PRKAA1: variants seen among roughly 807,000 people sequenced by gnomAD.
The protein encoded by PRKAA1 is 5'-AMP-activated protein kinase catalytic subunit alpha-1.
PRKAA1 carries 23 observed loss-of-function variants against 56.9 expected under a neutral mutation model. That is an observed-to-expected ratio of 0.40 (90% CI 0.29 to 0.57). PRKAA1 has a LOEUF of 0.57. Among genes scored for constraint, PRKAA1 ranks in the 20% least tolerant of loss-of-function variants. The pLI is 0.39. For missense variants in PRKAA1, 413 were observed against 679.7 expected (o/e 0.61, Z 4.36); for synonymous variants, 226 against 227.0 (o/e 1.00, Z 0.04).
chr5:40,793,120 T>C (rs1744784669), intron 1 of PRKAA1, among the ~76,000 whole-genome samples: 1 of 151,996 alleles, frequency 6.6e-6, no homozygotes, highest in South Asian at 2.1e-4. Flanking sequence ...CTTAATAGTT[T>C]ATATGTATAA....
intron 1 of PRKAA1, among the ~76,000 whole-genome samples, chr5:40,797,722 G>T (rs1416251147): frequency 6.6e-6 from 1 of 152,160 alleles, no homozygotes; most frequent in Non-Finnish European, 1.5e-5. Flanking sequence ...GATCGCGCCC[G>T]GCGCCCCCTC....
Position 40,767,479 on chromosome 5 carries a change from T to C in PRKAA1, c.808A>G (p.Ile270Val), listed in dbSNP as rs1214485166. Residue 270 changes from isoleucine to valine, a missense_variant, in exon 6 of 9, where the codon ATC becomes GTC. Physicochemically the swap from Ile to Val is conservative, Grantham distance 29 (BLOSUM62 3). This residue lies in a region of PRKAA1 where 113 missense variants were observed against 198.6 expected (regional missense o/e 0.57). Transcript: ENST00000397128. ...CTGCTTTATTACCTGATATCTTTGA[T>C]TGTGGCCCTCTTCATGGGATCCACC... ...LQVDPMKRAT[I>V]KDIREHEWFK... 6 of 1,610,350 alleles carry C rather than the reference T, an allele frequency of 3.7e-6. No homozygotes were observed. The highest frequency in any genetic ancestry group is 2.2e-5 in the East Asian group (1 of 44,832).
intron 8 of PRKAA1, among the ~76,000 whole-genome samples, chr5:40,763,504 A>T (rs757196837): frequency 1.3e-5 from 2 of 152,172 alleles, no homozygotes; most frequent in Non-Finnish European, 2.9e-5. Context: ...AACTCTCCTA[A>T]GTCTCAGCTC....
chr5:40,782,515 C>CA (rs1744302473), intron 1 of PRKAA1, among the ~76,000 whole-genome samples: 1 of 151,544 alleles, frequency 6.6e-6, no homozygotes, highest in African/African-American at 2.4e-5. Flanking sequence ...AAGAATAAAA[C>CA]AAAAAAATGA....
Position 40,797,886 on chromosome 5 carries a change from T to C in PRKAA1, c.127+177A>G, listed in dbSNP as rs572417935. ...CCCACCCCCACCCCCACCCGGCCTG[T>C]GCTGGCCGCGCCGCAGCCCCGCGGC... On this transcript the variant is annotated intron_variant, in intron 1 of 8. Coordinates refer to ENST00000397128, the MANE Select transcript of PRKAA1 (RefSeq NM_006251.6). 4.1e-5 allele frequency among the ~76,000 whole-genome samples: 6 copies of C among 146,898 alleles called. No homozygotes were observed. The South Asian group carries it at 1.4e-3, about 34-fold the overall frequency.
At position 40,762,293 on chromosome 5, in the gene PRKAA1, TGGAAGAAG is replaced by T. The variant is rs1489035666; in HGVS notation, c.*477_*484del. The T allele has an allele frequency of 6.4e-6, 1 of 156,782 alleles. No homozygotes were observed. The highest frequency in any genetic ancestry group is 1.4e-5 in the Non-Finnish European group (1 of 70,978). 9.7% of individuals were successfully genotyped at this position (156,782 alleles called of 1,614,324 possible). On this transcript the variant is annotated 3_prime_UTR_variant, in exon 9 of 9. Transcript: ENST00000397128. The stretch of plus-strand genomic sequence containing the variant: ...TCAAAAAAACAAAGAGGGAGGGATA[TGGAAGAAG>T]TTATCCAGACTGTTACTACTGCTGG...
intron 6 of PRKAA1, among the ~76,000 whole-genome samples, 182 bp downstream of exon 6, chr5:40,767,284 C>G (rs1743504217): frequency 6.6e-6 from 1 of 152,106 alleles, no homozygotes; most frequent in South Asian, 2.1e-4. Flanking sequence ...TCTTACTTCC[C>G]TAAGGTAACC....
Position 40,760,955 on chromosome 5 carries a change from G to A in PRKAA1, c.*1823C>T, listed in dbSNP as rs1443174865. ...TAAATGATACAATATTATCATACAC[G>A]ATACCAATTTTATCTGAGGTGACTA... On this transcript the variant is annotated 3_prime_UTR_variant, in exon 9 of 9. Coordinates refer to ENST00000397128, the MANE Select transcript of PRKAA1 (RefSeq NM_006251.6). The A allele has an allele frequency of 2.6e-5, 4 of 152,170 alleles. No homozygotes were observed. The highest frequency in any genetic ancestry group is 4.2e-4 in the South Asian group (2 of 4,814). The allele number at this position is 152,170 out of a possible 1,614,324, so 9.4% of individuals were successfully genotyped here.
At position 40,763,013 on chromosome 5, in the gene PRKAA1, G is replaced by C; in HGVS notation, c.1445C>G (p.Thr482Arg). Residue 482 changes from threonine (T) to arginine (R), a missense_variant, in exon 9 of 9, where the codon ACA (threonine) becomes AGA (arginine). Transcript: ENST00000397128. Reference sequence around the variant, plus strand: ...AGTAGCAGTCCCTGATTTGGCTTCTGTAATTTCATCTGGGTAAAAAGAATT... The same window carrying C: ...AGTAGCAGTCCCTGATTTGGCTTCTCTAATTTCATCTGGGTAAAAAGAATT... Reference protein sequence around the residue: ...LDFRSIDDEITEAKSGTATPQ... With the variant: ...LDFRSIDDEIREAKSGTATPQ... 1 of 1,613,862 alleles carries C rather than the reference G, an allele frequency of 6.2e-7. No homozygotes were observed. The highest frequency in any genetic ancestry group is 1.1e-5 in the South Asian group (1 of 91,066).
At chr5:40,776,370 C>T (rs1226944694) in intron 2 of PRKAA1, among the ~76,000 whole-genome samples, 1 of 152,156 alleles carries the variant, frequency 6.6e-6, no homozygotes, top group Non-Finnish European at 1.5e-5. Context: ...ATAAAGAGTT[C>T]ATTTTGGGCC....
At position 40,761,019 on chromosome 5, in the gene PRKAA1, T is replaced by G. The variant is rs571025042; in HGVS notation, c.*1759A>C. On this transcript the variant is annotated 3_prime_UTR_variant, in exon 9 of 9. Coordinates refer to ENST00000397128, the MANE Select transcript of PRKAA1 (RefSeq NM_006251.6). Reference sequence around the variant, plus strand: ...ATCTATTGTGTGATGCAATTAAGAATGACAAAAAAAAATATCAGTGTAAAT... The same window carrying G: ...ATCTATTGTGTGATGCAATTAAGAAGGACAAAAAAAAATATCAGTGTAAAT... 1 of 151,804 alleles carries G rather than the reference T, an allele frequency of 6.6e-6. No homozygotes were observed. Among genetic ancestry groups the G allele is most frequent in the Non-Finnish European group, 1.5e-5 (1 of 67,912 alleles). The allele number at this position is 151,804 out of a possible 1,614,324, so 9.4% of individuals were successfully genotyped here. A position where few individuals can be genotyped will look rare whatever the true frequency, so the allele number is the denominator to read the frequency against.
chr5:40,772,091 C>T (rs1044730647), intron 3 of PRKAA1, among the ~76,000 whole-genome samples: 2 of 152,202 alleles, frequency 1.3e-5, no homozygotes, highest in Admixed American at 1.3e-4. Context: ...TTATCATTTG[C>T]ATATGACTAC....
intron 8 of PRKAA1, chr5:40,764,174 C>G (rs1366219035): frequency 6.1e-6 from 1 of 164,584 alleles, no homozygotes; most frequent in Non-Finnish European, 1.3e-5. Context: ...TAAAAGCTTA[C>G]AGAAGAGTCA....
chr5:40,781,309 T>A (rs1051667462), intron 1 of PRKAA1, among the ~76,000 whole-genome samples: 1 of 152,156 alleles, frequency 6.6e-6, no homozygotes, highest in Non-Finnish European at 1.5e-5. Flanking sequence ...TAGACAGTCA[T>A]GAGGCTAAGT....
chr5:40,791,434 T>G (rs1263878044), intron 1 of PRKAA1, among the ~76,000 whole-genome samples: 1 of 152,206 alleles, frequency 6.6e-6, no homozygotes, highest in Non-Finnish European at 1.5e-5. Context: ...CAACTAAATA[T>G]TAGCTAACAA....
At chr5:40,783,909 G>A (rs1044843999) in intron 1 of PRKAA1, among the ~76,000 whole-genome samples, 2 of 152,054 alleles carry the variant, frequency 1.3e-5, no homozygotes, top group Admixed American at 1.3e-4. Flanking sequence ...TTTTATAGTC[G>A]CACAGACCTC....
At chr5:40,784,384 C>A (rs1392019576) in intron 1 of PRKAA1, among the ~76,000 whole-genome samples, 11 of 152,098 alleles carry the variant, frequency 7.2e-5, no homozygotes. Context: ...CCACTCCTAC[C>A]CCACCACCAC....
At chr5:40,768,437 C>G (rs1743572029) in intron 5 of PRKAA1, 1 of 928,244 alleles carries the variant, frequency 1.1e-6, no homozygotes, top group Admixed American at 6.2e-5. Context: ...TCCACAGTCT[C>G]CATGTCCTGA....
intron 8 of PRKAA1, among the ~76,000 whole-genome samples, chr5:40,763,763 T>A (rs1322317931): frequency 6.6e-6 from 1 of 152,214 alleles, no homozygotes; most frequent in Admixed American, 6.5e-5. Flanking sequence ...ACGTACTATA[T>A]GGACCTAAAG....
Sources: gnomAD v4.1 joint callset for allele counts (sites outside exome capture counted in the v4.1 genomes callset) on GRCh38, gnomAD v4.1.1 for gene constraint, gnomAD v4.1.1 regional missense constraint, MANE v1.5 for transcripts, NCBI Gene and HGNC (gene_info 2026-07-23, HGNC 2026-07-21) for gene names.